Variants in ACTR8 observed in about 807,000 individuals in gnomAD.
The protein encoded by ACTR8 is actin related protein 8, also known as actin-related protein 8.
A neutral mutation model predicts 84.3 loss-of-function variants in ACTR8; 70 were observed. The observed-to-expected ratio is 0.83, with a 90% confidence interval of 0.68 to 1.01. The LOEUF is 1.01. Among genes scored for constraint, ACTR8 ranks in the 50% least tolerant of loss-of-function variants. ACTR8 has a pLI of 0.00. For missense variants in ACTR8, 672 were observed against 775.4 expected (o/e 0.87, Z 1.58); for synonymous variants, 268 against 275.2 (o/e 0.97, Z 0.26).
rs1699831750 is a variant in ACTR8 at position 53,868,556 on chromosome 3, T to C, written c.*163A>G. 8.9e-7 allele frequency: 1 copy of C among 1,127,400 alleles called. No individual in the cohort carries two copies. The highest frequency in any genetic ancestry group is 3.1e-5 in the Admixed American group (1 of 32,620). The allele number at this position is 1,127,400 out of a possible 1,614,324, so 69.8% of individuals were successfully genotyped here. On this transcript the variant is annotated 3_prime_UTR_variant, in exon 13 of 13. Transcript: ENST00000335754. ...GACTAAACTGCTCAAAAGCAGTTTA[T>C]ATTTTCAAACCAATGTCATGTCCTC...
At position 53,873,197 on chromosome 3, in the gene ACTR8, G is replaced by A. The variant is rs973811583; in HGVS notation, c.1066-70C>T. ...TGTAAACTCTTCAAATTATGCTTCA[G>A]CCTCACCATCATCTAAATATCACCT... On this transcript the variant is annotated intron_variant, in intron 8 of 12. Transcript: ENST00000335754. The A allele has an allele frequency of 4.1e-5, 50 of 1,227,560 alleles. No individual in the cohort carries two copies. In the African/African-American group the frequency reaches 5.4e-4, roughly 13 times the overall value. The allele number at this position is 1,227,560 out of a possible 1,614,324, so 76.0% of individuals were successfully genotyped here. A position where few individuals can be genotyped will look rare whatever the true frequency, so the allele number is the denominator to read the frequency against.
intron 10 of ACTR8, among the ~76,000 whole-genome samples, 186 bp downstream of exon 10, chr3:53,872,198 G>A (rs1388563443): frequency 6.6e-6 from 1 of 152,216 alleles, no homozygotes; most frequent in East Asian, 1.9e-4. Flanking sequence ...GAAAATTAAT[G>A]TTTGCTGAAT....
chr3:53,870,219 T>C lies in ACTR8; in HGVS notation c.1568-74A>G. Reference sequence around the variant, plus strand: ...TTCTAGGCCAAGCCACCAACACCTCTTGCTTGAGCAAGTGCAATAGCCTTC... The same window carrying C: ...TTCTAGGCCAAGCCACCAACACCTCCTGCTTGAGCAAGTGCAATAGCCTTC... On this transcript the variant is annotated intron_variant, in intron 11 of 12. Coordinates refer to ENST00000335754, the MANE Select transcript of ACTR8 (RefSeq NM_022899.5). The surrounding 1 kb of genome is among the most constrained non-coding windows in gnomAD (Gnocchi z 4.1). 6.5e-7 allele frequency: 1 copy of C among 1,545,376 alleles called. No homozygotes were observed. Among genetic ancestry groups the C allele is most frequent in the Non-Finnish European group, 8.8e-7 (1 of 1,135,338 alleles).
At chr3:53,877,185 A>C (rs1699988645) in intron 5 of ACTR8, 29 bp downstream of exon 5, 1 of 1,560,272 alleles carries the variant, frequency 6.4e-7, no homozygotes, top group African/African-American at 1.4e-5. Context: ...TCTTAAAAAC[A>C]ATCCAAATAA....
At position 53,876,714 on chromosome 3, in the gene ACTR8, C is replaced by A; in HGVS notation, c.685-1G>T. ...GAATTAACAAGATACATCTATAATA[C>A]TAAAAAGAAGAACAAAGATAAAAGG... On this transcript the variant is annotated splice_acceptor_variant, in intron 5 of 12. Transcript: ENST00000335754. LOFTEE classifies it high-confidence loss of function. 2.1e-6 allele frequency: 3 copies of A among 1,447,652 alleles called. No homozygotes were observed. The highest frequency in any genetic ancestry group is 2.9e-6 in the Non-Finnish European group (3 of 1,049,092). The allele number at this position is 1,447,652 out of a possible 1,614,324, so 89.7% of individuals were successfully genotyped here. A position where few individuals can be genotyped will look rare whatever the true frequency, so the allele number is the denominator to read the frequency against.
chr3:53,862,837 A>C (rs1177836360), downstream of ACTR8, among the ~76,000 whole-genome samples: 5 of 152,216 alleles, frequency 3.3e-5, no homozygotes. Context: ...TACCATATAC[A>C]AATATTTTTA....
chr3:53,866,552 G>C (rs1699785907), downstream of ACTR8, among the ~76,000 whole-genome samples: 1 of 151,882 alleles, frequency 6.6e-6, no homozygotes, highest in Non-Finnish European at 1.5e-5. Context: ...CGTGACCTCG[G>C]CTCACTACAA....
chr3:53,871,609 A>G (rs1266909364), intron 10 of ACTR8, 113 bp from the exon 11 acceptor site: 7 of 1,240,636 alleles, frequency 5.6e-6, no homozygotes, highest in Non-Finnish European at 6.8e-6. Flanking sequence ...GCCACACAGC[A>G]ATACAACAAC....
At chr3:53,869,919 C>T in intron 12 of ACTR8, 63 bp downstream of exon 12, 1 of 1,572,292 alleles carries the variant, frequency 6.4e-7, no homozygotes, top group African/African-American at 1.3e-5. Flanking sequence ...AGGATTTGAT[C>T]TGTCCACATA....
In ACTR8 at chr3:53,874,123, C is replaced by T. The variant is rs1035292459; in HGVS notation, c.1065+88G>A. The T allele has an allele frequency of 2.1e-6, 3 of 1,433,458 alleles. No homozygotes were observed. In the African/African-American group the frequency reaches 4.3e-5, roughly 21 times the overall value. The allele number at this position is 1,433,458 out of a possible 1,614,324, so 88.8% of individuals were successfully genotyped here. A position where few individuals can be genotyped will look rare whatever the true frequency, so the allele number is the denominator to read the frequency against. Reference sequence around the variant, plus strand: ...ACAGGCATGAGCCACCGTGCCCAGCCAATGCTGTTACATTTTTAAGTATCT... The same window carrying T: ...ACAGGCATGAGCCACCGTGCCCAGCTAATGCTGTTACATTTTTAAGTATCT... On this transcript the variant is annotated intron_variant, in intron 8 of 12. Coordinates refer to ENST00000335754, the MANE Select transcript of ACTR8 (RefSeq NM_022899.5).
At chr3:53,863,399 A>T (rs902241008), downstream of ACTR8, among the ~76,000 whole-genome samples, 1 of 126,606 alleles carries the variant, frequency 7.9e-6, no homozygotes, top group Non-Finnish European at 1.7e-5. Context: ...CAGAGCTATT[A>T]AAAAAACTCC....
chr3:53,862,649 C>G (rs1336260320), downstream of ACTR8, among the ~76,000 whole-genome samples: 2 of 152,124 alleles, frequency 1.3e-5, no homozygotes, highest in East Asian at 3.8e-4. Flanking sequence ...GAGTGCTTCC[C>G]CATCAGTGTG....
chr3:53,881,807 C>T, intron 1 of ACTR8, 172 bp downstream of exon 1: 1 of 1,119,400 alleles, frequency 8.9e-7, no homozygotes, highest in East Asian at 2.6e-5. Flanking sequence ...CCTCCCAGCC[C>T]TCGGCGTCCC....
downstream of ACTR8, chr3:53,865,072 C>G (rs1699734630): frequency 6.2e-7 from 1 of 1,614,020 alleles, no homozygotes; most frequent in African/African-American, 1.3e-5. Flanking sequence ...CCTCTTCCCC[C>G]TTGCCTTTAA....
At chr3:53,878,150 C>T (rs1700003980) in intron 3 of ACTR8, among the ~76,000 whole-genome samples, 1 of 152,170 alleles carries the variant, frequency 6.6e-6, no homozygotes, top group East Asian at 1.9e-4. Flanking sequence ...CTTCCATCAA[C>T]TTGCCTACCA....
Position 53,876,718 on chromosome 3 carries a change from A to C in ACTR8, c.685-5T>G. On this transcript the variant is annotated splice_polypyrimidine_tract_variant and splice_region_variant and intron_variant, in intron 5 of 12. Coordinates refer to ENST00000335754, the MANE Select transcript of ACTR8 (RefSeq NM_022899.5). The stretch of plus-strand genomic sequence containing the variant: ...TAACAAGATACATCTATAATACTAA[A>C]AAGAAGAACAAAGATAAAAGGGTTA... 1 of 1,412,046 alleles carries C rather than the reference A, an allele frequency of 7.1e-7. No individual in the cohort carries two copies. The highest frequency in any genetic ancestry group is 1.2e-5 in the South Asian group (1 of 81,166). 87.5% of individuals were successfully genotyped at this position (1,412,046 alleles called of 1,614,324 possible). A position where few individuals can be genotyped will look rare whatever the true frequency, so the allele number is the denominator to read the frequency against.
chr3:53,863,568 T>C (rs533679291), downstream of ACTR8, among the ~76,000 whole-genome samples: 14 of 152,374 alleles, frequency 9.2e-5, no homozygotes, highest in East Asian at 2.5e-3. Flanking sequence ...CTGACCTGTA[T>C]TCGTTACAGT....
chr3:53,878,288 A>C, intron 3 of ACTR8, 69 bp downstream of exon 3: 1 of 1,172,138 alleles, frequency 8.5e-7, no homozygotes, highest in Non-Finnish European at 1.3e-6. Context: ...TGGTATAGGA[A>C]GAACATGTGA....
chr3:53,880,070 A>C lies in ACTR8; in HGVS notation c.163T>G (p.Ser55Ala). 1.2e-6 allele frequency: 2 copies of C among 1,614,118 alleles called. No individual in the cohort carries two copies. The highest frequency in any genetic ancestry group is 1.7e-6 in the Non-Finnish European group (2 of 1,179,970). Residue 55 changes from serine to alanine, a missense_variant, in exon 2 of 13, where the codon TCA becomes GCA. Coordinates refer to ENST00000335754, the MANE Select transcript of ACTR8 (RefSeq NM_022899.5). ...SNFIIVIHPGSTTLRIGRATD... is the reference protein window; with the variant it reads ...SNFIIVIHPGATTLRIGRATD... The stretch of plus-strand genomic sequence containing the variant: ...GCTCGACCAATCCTTAAAGTTGTTG[A>C]ACCTGGATGTATGACAATGATGAAG...
Sources: allele counts gnomAD v4.1 joint callset (sites outside exome capture counted in the v4.1 genomes callset), GRCh38; gene constraint gnomAD v4.1.1; non-coding constraint Gnocchi (gnomAD v3.1); transcripts MANE v1.5; gene names NCBI Gene and HGNC (gene_info 2026-07-23, HGNC 2026-07-21).